The following KCNMA1 variants were observed in gnomAD, a reference collection of about 807,000 sequenced individuals.
The protein encoded by KCNMA1 is potassium calcium-activated channel subfamily M alpha 1, also known as Calcium-activated potassium channel subunit alpha-1.
Under a neutral mutation model 140.0 loss-of-function variants are expected in KCNMA1, and 29 were observed. The observed-to-expected ratio is 0.21, with a 90% CI of 0.15 to 0.28. KCNMA1 has a LOEUF of 0.28. KCNMA1 is among the 10% of genes least tolerant of loss of function. KCNMA1 has a pLI of 1.00. For synonymous variants in KCNMA1, 612 were observed against 611.9 expected, an observed-to-expected ratio of 1.00 and a Z score of 0.00; for missense variants, 880 against 1,602.2, an observed-to-expected ratio of 0.55 and a Z score of 7.70.
intron 1 of KCNMA1, among the ~76,000 whole-genome samples, chr10:77,509,509 C>T (rs1276414879): frequency 6.6e-6 from 1 of 152,152 alleles, no homozygotes; most frequent in East Asian, 1.9e-4. Context: ...TGGTTATATA[C>T]CCCAAAGTGG....
At chr10:76,965,510 G>A (rs539294055) in intron 20 of KCNMA1, among the ~76,000 whole-genome samples, 23 of 152,214 alleles carry the variant, frequency 1.5e-4, no homozygotes, top group Non-Finnish European at 2.2e-4. Flanking sequence ...CCGCCTCCTC[G>A]AAAACCTTCA....
At chr10:77,494,193 C>T (rs992493709) in intron 1 of KCNMA1, among the ~76,000 whole-genome samples, 2 of 152,244 alleles carry the variant, frequency 1.3e-5, no homozygotes, top group Non-Finnish European at 2.9e-5. Context: ...AAACTCACCA[C>T]GTTGCCTTTG....
At chr10:77,051,757 G>A (rs1340994601) in intron 14 of KCNMA1, among the ~76,000 whole-genome samples, 1 of 152,150 alleles carries the variant, frequency 6.6e-6, no homozygotes, top group Non-Finnish European at 1.5e-5. Flanking sequence ...CCTGAGCCAA[G>A]GAGCATAACC....
intron 15 of KCNMA1, among the ~76,000 whole-genome samples, chr10:77,038,065 A>G (rs1411773181): frequency 6.6e-6 from 1 of 152,184 alleles, no homozygotes. Flanking sequence ...TTTCGCTTAG[A>G]GACAGGGTGA....
chr10:77,210,635 C>T (rs1171272589), intron 3 of KCNMA1, among the ~76,000 whole-genome samples: 3 of 152,148 alleles, frequency 2.0e-5, no homozygotes, highest in Admixed American at 2.0e-4. Flanking sequence ...CCTCTCTTCA[C>T]TGATAATATT....
At chr10:77,217,417 C>T (rs2048154025) in intron 3 of KCNMA1, 1 of 444,004 alleles carries the variant, frequency 2.3e-6, no homozygotes. Context: ...TCAGGCCTTA[C>T]TTCTCACATG....
At chr10:77,109,617 G>A (rs1408212129) in intron 8 of KCNMA1, among the ~76,000 whole-genome samples, 2 of 152,196 alleles carry the variant, frequency 1.3e-5, no homozygotes, top group Non-Finnish European at 2.9e-5. Context: ...GGAGTGAGCT[G>A]TTTGCAAAAC....
chr10:77,574,076 T>C (rs2073057361), intron 1 of KCNMA1, among the ~76,000 whole-genome samples: 2 of 152,190 alleles, frequency 1.3e-5, no homozygotes, highest in Middle Eastern at 3.4e-3. Flanking sequence ...CCTGAAGCGA[T>C]CCACCCATCT....
At chr10:77,196,123 C>T (rs919624004) in intron 3 of KCNMA1, among the ~76,000 whole-genome samples, 3 of 152,106 alleles carry the variant, frequency 2.0e-5, no homozygotes, top group African/African-American at 7.2e-5. Flanking sequence ...TATCTTTGAA[C>T]TTCTCTAGAG....
At chr10:76,968,852 C>T (rs1451974838) in intron 20 of KCNMA1, among the ~76,000 whole-genome samples, 1 of 152,162 alleles carries the variant, frequency 6.6e-6, no homozygotes, top group Non-Finnish European at 1.5e-5. Flanking sequence ...AGAAAGACTG[C>T]CCTTGCCTAT....
At chr10:77,251,672 T>C (rs568289056) in intron 2 of KCNMA1, among the ~76,000 whole-genome samples, 14 of 152,320 alleles carry the variant, frequency 9.2e-5, no homozygotes, top group African/African-American at 2.4e-4. Context: ...AACAGCTTCA[T>C]TGAGGCATAA....
At chr10:76,964,146 C>G (rs765219454) in intron 20 of KCNMA1, among the ~76,000 whole-genome samples, 4 of 151,852 alleles carry the variant, frequency 2.6e-5, no homozygotes, top group Non-Finnish European at 5.9e-5. Flanking sequence ...CACTGCCCAC[C>G]ACCCTCTCCC....
intron 2 of KCNMA1, among the ~76,000 whole-genome samples, chr10:77,316,540 A>T (rs1302514659): frequency 6.6e-6 from 1 of 152,174 alleles, no homozygotes; most frequent in Non-Finnish European, 1.5e-5. Context: ...AGAGTTTCTG[A>T]TTCAGGAATC....
chr10:77,500,749 T>C (rs1413228951), intron 1 of KCNMA1, among the ~76,000 whole-genome samples: 1 of 152,206 alleles, frequency 6.6e-6, no homozygotes, highest in African/African-American at 2.4e-5. Flanking sequence ...GTACTATTGC[T>C]CTCTCATATA....
intron 22 of KCNMA1, among the ~76,000 whole-genome samples, chr10:76,948,442 T>C (rs2065044616): frequency 6.6e-6 from 1 of 152,248 alleles, no homozygotes; most frequent in Non-Finnish European, 1.5e-5. Context: ...TGAGAGTTTG[T>C]GGACTATGCA....
intron 1 of KCNMA1, among the ~76,000 whole-genome samples, chr10:77,526,400 T>C (rs1022998381): frequency 6.6e-6 from 1 of 152,250 alleles, no homozygotes; most frequent in Non-Finnish European, 1.5e-5. Context: ...AAAACTACTG[T>C]ACACAGTTGA....
At chr10:77,029,110 T>C (rs2093722482) in intron 15 of KCNMA1, among the ~76,000 whole-genome samples, 1 of 152,184 alleles carries the variant, frequency 6.6e-6, no homozygotes. Flanking sequence ...CATGAATATG[T>C]AAATGGCACA....
intron 1 of KCNMA1, among the ~76,000 whole-genome samples, chr10:77,562,891 G>A (rs16935035): frequency 2.0e-5 from 3 of 152,000 alleles, no homozygotes; most frequent in South Asian, 4.1e-4. Context: ...ACATTGCAAC[G>A]CAATAAAGTA....
chr10:77,158,973 GT>G (rs1564889048), intron 5 of KCNMA1, among the ~76,000 whole-genome samples: 3 of 152,186 alleles, frequency 2.0e-5, no homozygotes, highest in Non-Finnish European at 4.4e-5. Flanking sequence ...AACAACACAG[GT>G]TTAGGCTAAA....
Sources: gnomAD v4.1 joint callset for allele counts (sites outside exome capture counted in the v4.1 genomes callset) on GRCh38, gnomAD v4.1.1 for gene constraint, MANE v1.5 for transcripts, NCBI Gene and HGNC (gene_info 2026-07-23, HGNC 2026-07-21) for gene names.